Variants in OSBPL1A observed in about 807,000 individuals in gnomAD.
The protein encoded by OSBPL1A is oxysterol binding protein like 1A.
OSBPL1A carries 80 observed loss-of-function variants against 137.1 expected under a neutral mutation model. That is an observed-to-expected ratio of 0.58 (90% confidence interval 0.49 to 0.70). The LOEUF is 0.70. OSBPL1A is among the 30% of genes least tolerant of loss of function. OSBPL1A has a pLI of 0.00. For synonymous variants in OSBPL1A, 365 were observed against 389.7 expected (o/e 0.94, Z 0.75); for missense variants, 970 against 1,129.4 (o/e 0.86, Z 2.02).
intron 26 of OSBPL1A, 46 bp downstream of exon 26, chr18:24,166,533 C>A (rs1476380497): frequency 6.3e-7 from 1 of 1,575,836 alleles, no homozygotes; most frequent in East Asian, 2.3e-5. Context: ...AGCATCATCC[C>A]CCGAGAAATG....
chr18:24,366,621 A>G, intron 4 of OSBPL1A: 3 of 328,538 alleles, frequency 9.1e-6, no homozygotes, highest in Non-Finnish European at 1.7e-5. Context: ...AAAAAAGAAT[A>G]ATCAGGAGTT....
chr18:24,240,413 T>C (rs1167364177), intron 15 of OSBPL1A, among the ~76,000 whole-genome samples: 3 of 152,212 alleles, frequency 2.0e-5, no homozygotes, highest in African/African-American at 4.8e-5. Context: ...CAAAACCCTC[T>C]ACAATTCAAG....
chr18:24,169,718 C>T (rs1259644551), intron 24 of OSBPL1A, among the ~76,000 whole-genome samples: 4 of 152,124 alleles, frequency 2.6e-5, no homozygotes, highest in African/African-American at 7.2e-5. Flanking sequence ...GAGGTGCAGT[C>T]CTCGAGCATT....
At chr18:24,344,580 A>T (rs2091316082) in intron 4 of OSBPL1A, among the ~76,000 whole-genome samples, 1 of 152,228 alleles carries the variant, frequency 6.6e-6, no homozygotes, top group Admixed American at 6.5e-5. Flanking sequence ...TTGTGTAGGG[A>T]GCAGGTGCTG....
intron 4 of OSBPL1A, among the ~76,000 whole-genome samples, chr18:24,365,216 C>T (rs2091686651): frequency 6.6e-6 from 1 of 152,096 alleles, no homozygotes; most frequent in Non-Finnish European, 1.5e-5. Flanking sequence ...ATACATGCTA[C>T]AGCATGGATG....
chr18:24,216,509 G>GA (rs200229531), intron 17 of OSBPL1A, among the ~76,000 whole-genome samples: 1,641 of 152,152 alleles, frequency 0.011, 34 homozygotes, highest in African/African-American at 0.038. Context: ...TGTGTCTCCA[G>GA]AAGAAAAAAG....
intron 15 of OSBPL1A, among the ~76,000 whole-genome samples, chr18:24,245,159 A>G (rs771105001): frequency 2.6e-5 from 4 of 152,056 alleles, no homozygotes; most frequent in Non-Finnish European, 5.9e-5. Flanking sequence ...AGGCTCCATC[A>G]TGGCTCGCTG....
At chr18:24,199,836 G>T (rs938283166) in intron 17 of OSBPL1A, among the ~76,000 whole-genome samples, 1 of 152,076 alleles carries the variant, frequency 6.6e-6, no homozygotes, top group African/African-American at 2.4e-5. Context: ...GGCACAGAAA[G>T]GCACCCCAGC....
At chr18:24,307,218 T>C (rs971820580) in intron 13 of OSBPL1A, among the ~76,000 whole-genome samples, 1 of 152,012 alleles carries the variant, frequency 6.6e-6, no homozygotes, top group African/African-American at 2.4e-5. Context: ...AGGTGGTCAA[T>C]GCTGCAGTGA....
chr18:24,237,109 C>T (rs984883209), intron 16 of OSBPL1A, among the ~76,000 whole-genome samples: 1 of 152,052 alleles, frequency 6.6e-6, no homozygotes, highest in East Asian at 1.9e-4. Context: ...TATATATATA[C>T]ACAAGCACAT....
At chr18:24,228,111 C>T (rs1001519096) in intron 16 of OSBPL1A, among the ~76,000 whole-genome samples, 1 of 152,138 alleles carries the variant, frequency 6.6e-6, no homozygotes, top group Non-Finnish European at 1.5e-5. Flanking sequence ...GACCCACAAA[C>T]TCATCAGTCA....
At chr18:24,269,858 A>ACACACACACACACG (rs2089674198) in intron 15 of OSBPL1A, among the ~76,000 whole-genome samples, 1 of 150,222 alleles carries the variant, frequency 6.7e-6, no homozygotes, top group Non-Finnish European at 1.5e-5. Context: ...CCTAACACAC[A>ACACACACACACACG]CACACACACA....
chr18:24,175,777 C>T (rs369510589), intron 21 of OSBPL1A, among the ~76,000 whole-genome samples: 13 of 152,072 alleles, frequency 8.5e-5, no homozygotes, highest in East Asian at 3.9e-4. Flanking sequence ...TTACATTTTA[C>T]GTAAATGATC....
chr18:24,384,591 G>A (rs1038407605), intron 1 of OSBPL1A, among the ~76,000 whole-genome samples: 4 of 148,994 alleles, frequency 2.7e-5, no homozygotes, highest in African/African-American at 9.9e-5. Flanking sequence ...CAAAAGGGCC[G>A]GGGGCGGGTG....
Position 24,163,091 on chromosome 18 carries a change from G to C in OSBPL1A, c.*88C>G. On this transcript the variant is annotated 3_prime_UTR_variant, in exon 28 of 28. Coordinates refer to ENST00000319481, the MANE Select transcript of OSBPL1A (RefSeq NM_080597.4). ...TGTTTTTTCATTTTTTTTTTTAAAA[G>C]ATAAGTAGAAACCAAGGGAAAAAAA... 1.1e-6 allele frequency: 1 copy of C among 909,604 alleles called. No homozygotes were observed. The allele number at this position is 909,604 out of a possible 1,614,324, so 56.3% of individuals were successfully genotyped here.
chr18:24,316,818 A>T (rs2090744121), intron 11 of OSBPL1A, among the ~76,000 whole-genome samples: 1 of 152,220 alleles, frequency 6.6e-6, no homozygotes, highest in Non-Finnish European at 1.5e-5. Context: ...AACCAACAAT[A>T]ATAGCAAAAT....
At chr18:24,218,216 A>G (rs1469630574) in intron 17 of OSBPL1A, 1 of 152,244 alleles carries the variant, frequency 6.6e-6, no homozygotes, top group East Asian at 1.9e-4. Context: ...ATTATTATAC[A>G]TGATAATAGT....
At chr18:24,169,517 T>TA (rs1464482396) in intron 24 of OSBPL1A, among the ~76,000 whole-genome samples, 1 of 152,226 alleles carries the variant, frequency 6.6e-6, no homozygotes, top group East Asian at 1.9e-4. Flanking sequence ...TTATGTTTGT[T>TA]AACTCATTTA....
At chr18:24,207,759 C>T (rs563092774) in intron 17 of OSBPL1A, among the ~76,000 whole-genome samples, 2 of 152,016 alleles carry the variant, frequency 1.3e-5, no homozygotes, top group African/African-American at 2.4e-5. Context: ...GACTTCTTAT[C>T]GTTTCCTCCA....
Sources: gnomAD v4.1 joint callset for allele counts (sites outside exome capture counted in the v4.1 genomes callset) on GRCh38, gnomAD v4.1.1 for gene constraint, MANE v1.5 for transcripts, NCBI Gene and HGNC (gene_info 2026-07-23, HGNC 2026-07-21) for gene names.